Variants in PIEZO2 observed in about 807,000 individuals in gnomAD.
PIEZO2 encodes the protein piezo-type mechanosensitive ion channel component 2.
A neutral mutation model predicts 337.3 loss-of-function variants in PIEZO2; 172 were observed. The observed-to-expected ratio is 0.51, with a 90% confidence interval of 0.45 to 0.58. PIEZO2 has a LOEUF of 0.58. Ranked by LOEUF, PIEZO2 falls within the 20% of genes least tolerant of loss-of-function variation. PIEZO2 has a pLI of 0.00. For missense variants in PIEZO2, 3,028 were observed against 3,391.3 expected, an observed-to-expected ratio of 0.89 and a Z score of 2.66; for synonymous variants, 1,251 against 1,228.5, an observed-to-expected ratio of 1.02 and a Z score of -0.38.
At chr18:10,700,088 A>G (rs1021790329) in intron 43 of PIEZO2, among the ~76,000 whole-genome samples, 2 of 151,988 alleles carry the variant, frequency 1.3e-5, no homozygotes, top group Non-Finnish European at 2.9e-5. Context: ...CAAACATTTT[A>G]GCTTTTCGTA....
rs183605267 is a variant in PIEZO2, at chr18:10,761,106, G to A, written c.3255C>T (p.Asn1085=). 2 of 1,537,036 alleles carry A rather than the reference G, an allele frequency of 1.3e-6. No individual in the cohort carries two copies. The highest frequency in any genetic ancestry group is 2.4e-5 in the East Asian group (1 of 40,916). ...AGGCCAGGATAGCCAGCATCAGGAGGTTATTCTACAAAGCAAGGAAACACA... is the reference window on the plus strand; with the variant it reads ...AGGCCAGGATAGCCAGCATCAGGAGATTATTCTACAAAGCAAGGAAACACA... The part of the protein sequence containing the change: ...SSPLLVYLRN[N]LLMLAILAFE... Residue 1085 remains asparagine (N), a synonymous_variant, in exon 24 of 56, where the codon AAC becomes AAT. Coordinates refer to ENST00000674853, the MANE Select transcript of PIEZO2 (RefSeq NM_001378183.1).
intron 45 of PIEZO2, 125 bp downstream of exon 45, chr18:10,697,623 G>T (rs2035152369): frequency 1.2e-5 from 16 of 1,295,738 alleles, no homozygotes; most frequent in Non-Finnish European, 1.5e-5. Context: ...ATTTCATTCT[G>T]CCTTACGCAG....
chr18:10,790,711 T>TA (rs1358176698), intron 14 of PIEZO2, among the ~76,000 whole-genome samples: 1 of 150,838 alleles, frequency 6.6e-6, no homozygotes, highest in African/African-American at 2.4e-5. Context: ...GGCACTTTTT[T>TA]TTTTTTTTTT....
chr18:10,936,561 G>C (rs576875714), intron 3 of PIEZO2, among the ~76,000 whole-genome samples: 3 of 152,172 alleles, frequency 2.0e-5, no homozygotes, highest in Non-Finnish European at 4.4e-5. Context: ...TGATGTGCTA[G>C]TTGGCTAATT....
At chr18:10,959,612 T>C (rs1003668183) in intron 3 of PIEZO2, among the ~76,000 whole-genome samples, 2 of 152,190 alleles carry the variant, frequency 1.3e-5, no homozygotes, top group African/African-American at 4.8e-5. Flanking sequence ...ACACCTGGTA[T>C]GAAACATCCA....
In PIEZO2 at chr18:11,101,791, C is replaced by A. The variant is rs1212192209; in HGVS notation, c.65-35569G>T. Among the ~76,000 whole-genome samples the A allele has an allele frequency of 6.6e-6, 1 of 152,068 alleles. No individual in the cohort carries two copies. Among genetic ancestry groups the A allele is most frequent in the Admixed American group, 6.6e-5 (1 of 15,266 alleles). Reference sequence around the variant, plus strand: ...AATATCCTGAGGAAAAATGTAGACCCCGACCAGGCAGAAGGCCTCGGCTAC... The same window carrying A: ...AATATCCTGAGGAAAAATGTAGACCACGACCAGGCAGAAGGCCTCGGCTAC... On this transcript the variant is annotated intron_variant, in intron 1 of 55. Coordinates refer to ENST00000674853, the MANE Select transcript of PIEZO2 (RefSeq NM_001378183.1). This position sits in a 1 kb window ranked among gnomAD's most constrained non-coding sequence, Gnocchi z 4.4.
At chr18:11,075,705 G>A (rs973168345) in intron 1 of PIEZO2, among the ~76,000 whole-genome samples, 8 of 151,904 alleles carry the variant, frequency 5.3e-5, no homozygotes, top group African/African-American at 4.8e-5. Flanking sequence ...TTCTTATCAC[G>A]TAGCACCTGT....
chr18:10,714,987 C>A (rs1292125484), intron 38 of PIEZO2, 57 bp from the exon 39 acceptor site: 31 of 1,495,314 alleles, frequency 2.1e-5, no homozygotes, highest in Non-Finnish European at 2.6e-5. Flanking sequence ...TGTATAGCCA[C>A]CTGGCATTTC....
rs1441752436 is a variant in PIEZO2 at position 10,863,884 on chromosome 18, A to ACACACACACACACACACACC, written c.493-6674_493-6673insGGTGTGTGTGTGTGTGTGTG. Among the ~76,000 whole-genome samples, 15 of 152,004 alleles carry ACACACACACACACACACACC rather than the reference A, an allele frequency of 9.9e-5. No homozygotes were observed. Among genetic ancestry groups the ACACACACACACACACACACC allele is most frequent in the African/African-American group, 3.6e-4 (15 of 41,448 alleles). ...CAAATCAGCAGTCACACACACACACACCTATATCATCCACTCAGTTCACAT... is the reference window on the plus strand; with the variant it reads ...CAAATCAGCAGTCACACACACACACACACACACACACACACACACCCCTATATCATCCACTCAGTTCACAT... On this transcript the variant is annotated intron_variant, in intron 5 of 55. Transcript: ENST00000674853. The surrounding 1 kb of genome is among the most constrained non-coding windows in gnomAD (Gnocchi z 4.3).
chr18:11,046,716 T>G (rs1031741469), intron 2 of PIEZO2, among the ~76,000 whole-genome samples: 1 of 152,156 alleles, frequency 6.6e-6, no homozygotes, highest in African/African-American at 2.4e-5. Context: ...ATAAAGCAGT[T>G]AGGAATTATG....
chr18:10,789,218 T>A lies in PIEZO2; in HGVS notation c.2030A>T (p.Asn677Ile). Reference sequence around the variant, plus strand: ...CTTGATGAACATGGCCACCACCAGATTGCCCAGGACTTTCATGATGTCCTG... The same window carrying A: ...CTTGATGAACATGGCCACCACCAGAATGCCCAGGACTTTCATGATGTCCTG... The part of the protein sequence containing the change: ...DEQDIMKVLG[N>I]LVVAMFIKYW... The change falls in exon 15 of 56, where the codon AAT becomes ATT. Residue 677 changes from asparagine to isoleucine, a missense_variant. Coordinates refer to ENST00000674853, the MANE Select transcript of PIEZO2 (RefSeq NM_001378183.1). 6.5e-7 allele frequency: 1 copy of A among 1,537,324 alleles called. No homozygotes were observed.
intron 3 of PIEZO2, among the ~76,000 whole-genome samples, chr18:10,920,118 A>G (rs1287116422): frequency 6.6e-6 from 1 of 152,174 alleles, no homozygotes; most frequent in African/African-American, 2.4e-5. Flanking sequence ...GAAACTGGGC[A>G]ACTGTGTCAT....
chr18:10,681,784 A>G (rs1301765055), intron 50 of PIEZO2, 31 bp from the exon 51 acceptor site: 8 of 1,517,488 alleles, frequency 5.3e-6, no homozygotes, highest in South Asian at 1.1e-5. Context: ...TGTTGTCAAT[A>G]TTCCCCAGCT....
intron 45 of PIEZO2, among the ~76,000 whole-genome samples, chr18:10,697,457 C>T (rs574956319): frequency 3.3e-4 from 51 of 152,338 alleles, no homozygotes; most frequent in African/African-American, 1.2e-3. Flanking sequence ...TCTGGCTGGA[C>T]TTCACCATGA....
chr18:10,715,820 G>T lies in PIEZO2; in HGVS notation c.5090-4C>A, dbSNP rs1031814622. 10 of 1,515,946 alleles carry T rather than the reference G, an allele frequency of 6.6e-6. No homozygotes were observed. In the African/African-American group the frequency reaches 1.4e-4, roughly 21 times the overall value. The allele number at this position is 1,515,946 out of a possible 1,614,324, so 93.9% of individuals were successfully genotyped here. On this transcript the variant is annotated splice_region_variant and splice_polypyrimidine_tract_variant and intron_variant, in intron 37 of 55. Coordinates refer to ENST00000674853, the MANE Select transcript of PIEZO2 (RefSeq NM_001378183.1). Reference sequence around the variant, plus strand: ...AATATCCTCTTGATGATATTATCTAGGAGGAAGAAAGGCAACAAGATGTTA... The same window carrying T: ...AATATCCTCTTGATGATATTATCTATGAGGAAGAAAGGCAACAAGATGTTA...
rs558611456 is a variant in PIEZO2 at position 10,781,248 on chromosome 18, A to T, written c.2493-882T>A. On this transcript the variant is annotated intron_variant, in intron 17 of 55. Transcript: ENST00000674853. The surrounding 1 kb of genome is among the most constrained non-coding windows in gnomAD (Gnocchi z 4.1). ...CACTTTGGGAAGTCGAGGCAGGTGG[A>T]TCATGAGGTCAAGAGTTCGATACCA... Among the ~76,000 whole-genome samples the T allele has an allele frequency of 3.0e-4, 45 of 152,212 alleles. 1 individual carries two copies. The East Asian group carries it at 8.5e-3, about 29-fold the overall frequency.
At chr18:11,008,997 A>C (rs1462841536) in intron 2 of PIEZO2, among the ~76,000 whole-genome samples, 1 of 152,224 alleles carries the variant, frequency 6.6e-6, no homozygotes, top group Non-Finnish European at 1.5e-5. Flanking sequence ...TTATACAATA[A>C]AAATGGCATT....
chr18:11,044,830 T>C (rs1436581154), intron 2 of PIEZO2, among the ~76,000 whole-genome samples: 2 of 152,174 alleles, frequency 1.3e-5, no homozygotes, highest in African/African-American at 2.4e-5. Flanking sequence ...TACATAATCT[T>C]GTGTTATGAG....
intron 1 of PIEZO2, among the ~76,000 whole-genome samples, chr18:11,124,912 T>A (rs2040138984): frequency 1.3e-5 from 2 of 152,208 alleles, no homozygotes; most frequent in Non-Finnish European, 1.5e-5. Flanking sequence ...ATGGACCACT[T>A]ATGAGGGTCA....
Sources: gnomAD v4.1 joint callset for allele counts (sites outside exome capture counted in the v4.1 genomes callset) on GRCh38, gnomAD v4.1.1 for gene constraint, Gnocchi (gnomAD v3.1) non-coding constraint, MANE v1.5 for transcripts, NCBI Gene and HGNC (gene_info 2026-07-23, HGNC 2026-07-21) for gene names.